FSTL4: variants seen among roughly 807,000 people sequenced by gnomAD.
FSTL4 encodes the protein follistatin like 4, also known as follistatin-related protein 4.
Under a neutral mutation model 78.2 loss-of-function variants are expected in FSTL4, and 28 were observed. That is an observed-to-expected ratio of 0.36 (90% CI 0.27 to 0.49). The LOEUF is 0.49. Ranked by LOEUF, FSTL4 falls within the 20% of genes least tolerant of loss-of-function variation. The probability of loss-of-function intolerance (pLI) is 0.98; values close to 1 mark genes in which losing one functional copy is unlikely to be tolerated. For missense variants in FSTL4, 922 were observed against 1,084.9 expected (o/e 0.85, Z 2.11); for synonymous variants, 422 against 440.5 (o/e 0.96, Z 0.53).
chr5:133,268,889 A>G (rs759117854), intron 6 of FSTL4, among the ~76,000 whole-genome samples: 28 of 152,210 alleles, frequency 1.8e-4, no homozygotes, highest in Admixed American at 3.9e-4. Flanking sequence ...AGAATTTGAA[A>G]GAGCCAGGCA....
the FSTL4 span, among the ~76,000 whole-genome samples, chr5:133,633,594 C>G: frequency 6.6e-6 from 1 of 152,170 alleles, no homozygotes; most frequent in African/African-American, 2.4e-5. Context: ...ATAATTCCAA[C>G]ATCTCTGCCA....
intron 6 of FSTL4, among the ~76,000 whole-genome samples, chr5:133,283,089 G>C (rs181966430): frequency 9.8e-5 from 15 of 152,300 alleles, no homozygotes; most frequent in Admixed American, 8.5e-4. Context: ...TTCTCACCAG[G>C]CACAAGGGAA....
At chr5:133,534,458 G>C (rs1156955699) in intron 3 of FSTL4, among the ~76,000 whole-genome samples, 1 of 152,072 alleles carries the variant, frequency 6.6e-6, no homozygotes, top group Non-Finnish European at 1.5e-5. Flanking sequence ...CTTATATTCT[G>C]ATGTATTTCT....
intron 12 of FSTL4, among the ~76,000 whole-genome samples, chr5:133,220,277 C>G (rs1246036555): frequency 1.3e-5 from 2 of 152,254 alleles, no homozygotes; most frequent in African/African-American, 4.8e-5. Flanking sequence ...GAACAGAGGC[C>G]TGGTGTGGGG....
intron 3 of FSTL4, among the ~76,000 whole-genome samples, chr5:133,427,350 C>T (rs970536282): frequency 2.6e-5 from 4 of 152,192 alleles, no homozygotes; most frequent in African/African-American, 9.7e-5. Flanking sequence ...GGAATGAACC[C>T]AGGGGCCTGA....
At chr5:133,240,804 C>T (rs893832070) in intron 7 of FSTL4, among the ~76,000 whole-genome samples, 2 of 152,170 alleles carry the variant, frequency 1.3e-5, no homozygotes, top group Admixed American at 1.3e-4. Flanking sequence ...GCCTAGGATG[C>T]TACCTCCTGG....
At chr5:133,590,221 T>G (rs17642817) in intron 2 of FSTL4, among the ~76,000 whole-genome samples, 32,034 of 151,994 alleles carry the variant, frequency 0.21, 3,543 homozygotes, top group East Asian at 0.32. Flanking sequence ...GAGGAGCCAT[T>G]CAGACTTCCA....
chr5:133,223,553 C>A (rs992622999), intron 11 of FSTL4, among the ~76,000 whole-genome samples: 4 of 152,116 alleles, frequency 2.6e-5, no homozygotes, highest in Admixed American at 2.6e-4. Flanking sequence ...CGGGCATGCA[C>A]CTGCACCCCA....
chr5:133,718,207 C>T, the FSTL4 span, among the ~76,000 whole-genome samples: 16 of 152,108 alleles, frequency 1.1e-4, no homozygotes, highest in African/African-American at 3.4e-4. Context: ...ATTCTCTTGC[C>T]TCAGCCTCCC....
At chr5:133,629,904 T>G in the FSTL4 span, among the ~76,000 whole-genome samples, 1 of 152,378 alleles carries the variant, frequency 6.6e-6, no homozygotes, top group Non-Finnish European at 1.5e-5. Flanking sequence ...ACCACATGAT[T>G]ATCTCAATAG....
chr5:133,211,956 T>G (rs1263767756), intron 13 of FSTL4, among the ~76,000 whole-genome samples: 2 of 151,930 alleles, frequency 1.3e-5, no homozygotes, highest in Non-Finnish European at 2.9e-5. Flanking sequence ...CCCTTTACTC[T>G]CTTGCTTTAA....
At chr5:133,799,005 A>G in the FSTL4 span, among the ~76,000 whole-genome samples, 14 of 86,204 alleles carry the variant, frequency 1.6e-4, 2 homozygotes, top group African/African-American at 7.0e-4. Context: ...AGGGAGAGAG[A>G]GGGGAAGGGA....
chr5:133,232,735 G>C (rs539153263), intron 8 of FSTL4, among the ~76,000 whole-genome samples: 2 of 152,304 alleles, frequency 1.3e-5, no homozygotes, highest in South Asian at 4.1e-4. Flanking sequence ...CCATGAACTG[G>C]ATTAAGATAC....
At chr5:133,240,182 A>C (rs1014917295) in intron 7 of FSTL4, among the ~76,000 whole-genome samples, 1 of 152,146 alleles carries the variant, frequency 6.6e-6, no homozygotes, top group Non-Finnish European at 1.5e-5. Flanking sequence ...AACGCATCCG[A>C]GCATCAGAAG....
intron 6 of FSTL4, among the ~76,000 whole-genome samples, chr5:133,255,488 G>A (rs975409606): frequency 1.3e-5 from 2 of 152,226 alleles, no homozygotes; most frequent in African/African-American, 4.8e-5. Context: ...GTCAGTGTGG[G>A]TTGGTTGGCA....
chr5:133,799,092 A>G, the FSTL4 span, among the ~76,000 whole-genome samples: 111,704 of 132,376 alleles, frequency 0.84, 50,271 homozygotes, highest in Middle Eastern at 0.93. Flanking sequence ...AGGAGGGAAG[A>G]CAGGGAGAAA....
chr5:133,631,846 C>T, the FSTL4 span, among the ~76,000 whole-genome samples: 1 of 152,098 alleles, frequency 6.6e-6, no homozygotes, highest in Admixed American at 6.5e-5. Context: ...ATGTCCTTTG[C>T]AGGGACGTGG....
the FSTL4 span, among the ~76,000 whole-genome samples, chr5:133,622,450 A>T: frequency 3.9e-5 from 6 of 152,224 alleles, no homozygotes; most frequent in Non-Finnish European, 8.8e-5. Context: ...TCTTTAAAAA[A>T]GTGGCCAATT....
intron 3 of FSTL4, among the ~76,000 whole-genome samples, chr5:133,406,006 T>A (rs115529930): frequency 0.036 from 5,472 of 152,276 alleles, 133 homozygotes; most frequent in Non-Finnish European, 0.05. Context: ...CTCAGGGCAC[T>A]AACATGACAG....
Sources: allele counts gnomAD v4.1 joint callset (sites outside exome capture counted in the v4.1 genomes callset), GRCh38; gene constraint gnomAD v4.1.1; transcripts MANE v1.5; gene names NCBI Gene and HGNC (gene_info 2026-07-23, HGNC 2026-07-21).